The following RAB21 variants were observed in gnomAD, a reference collection of about 807,000 sequenced individuals.
RAB21 encodes RAB21, member RAS oncogene family.
A neutral mutation model predicts 33.1 loss-of-function variants in RAB21; 13 were observed. The observed-to-expected ratio is 0.39, with a 90% CI of 0.26 to 0.62. The LOEUF is 0.62. Ranked by LOEUF, RAB21 falls within the 20% of genes least tolerant of loss-of-function variation. RAB21 has a pLI of 0.48. For missense variants in RAB21, 234 were observed against 279.1 expected (o/e 0.84, Z 1.15); for synonymous variants, 91 against 103.7 (o/e 0.88, Z 0.74).
chr12:71,756,150 A>G (rs1428001379), intron 1 of RAB21, among the ~76,000 whole-genome samples: 1 of 152,214 alleles, frequency 6.6e-6, no homozygotes, highest in African/African-American at 2.4e-5. Flanking sequence ...ATTTGGTCAA[A>G]GGCAGTAAAG....
At chr12:71,772,008 AAAGGG>A (rs1883050262) in intron 3 of RAB21, among the ~76,000 whole-genome samples, 1 of 152,022 alleles carries the variant, frequency 6.6e-6, no homozygotes, top group South Asian at 2.1e-4. Context: ...ATTTAGGTTG[AAAGGG>A]ACCAGTTGTC....
At position 71,797,898 on chromosome 12, in the gene RAB21, A is replaced by T. The variant is rs1307781295; in HGVS notation, c.*12225A>T. ...AGCTATAGAGAACAAAGCTGGATTC[A>T]TACCTCATAAACCAAAATGCATTCC... is the stretch of plus-strand genomic sequence containing the variant. On this transcript the variant is annotated 3_prime_UTR_variant, in exon 7 of 7. Transcript: ENST00000261263. The T allele has an allele frequency of 6.6e-6, 1 of 152,132 alleles. No homozygotes were observed. The highest frequency in any genetic ancestry group is 1.5e-5 in the Non-Finnish European group (1 of 68,028). The allele number at this position is 152,132 out of a possible 1,614,324, so 9.4% of individuals were successfully genotyped here. A position where few individuals can be genotyped will look rare whatever the true frequency, so the allele number is the denominator to read the frequency against.
rs1883447605 is a variant in RAB21, at chr12:71,794,928, C to G, written c.*9255C>G. The G allele has an allele frequency of 1.3e-5, 2 of 150,934 alleles. No individual in the cohort carries two copies. The highest frequency in any genetic ancestry group is 4.2e-4 in the South Asian group (2 of 4,788). The allele number at this position is 150,934 out of a possible 1,614,324, so 9.3% of individuals were successfully genotyped here. A position where few individuals can be genotyped will look rare whatever the true frequency, so the allele number is the denominator to read the frequency against. ...CTCCAGCCTCGGTGACAGAGTGAGA[C>G]TCTGTCTCAAAAAAAAAGTTAAAAG... On this transcript the variant is annotated 3_prime_UTR_variant, in exon 7 of 7. Coordinates refer to ENST00000261263, the MANE Select transcript of RAB21 (RefSeq NM_014999.4).
At chr12:71,781,162 T>C (rs1031076311) in intron 4 of RAB21, among the ~76,000 whole-genome samples, 3 of 152,206 alleles carry the variant, frequency 2.0e-5, no homozygotes, top group Non-Finnish European at 2.9e-5. Context: ...TAAAATTGTT[T>C]TTTAAACAAA....
intron 4 of RAB21, chr12:71,774,447 T>A (rs1042161055): frequency 6.9e-6 from 1 of 144,838 alleles, no homozygotes; most frequent in African/African-American, 2.6e-5. Context: ...GCCTGGGTGA[T>A]ACAGTGAGAT....
Position 71,792,509 on chromosome 12 carries a change from A to G in RAB21, c.*6836A>G, listed in dbSNP as rs1333347047. Reference sequence around the variant, plus strand: ...GACTATAGCTTAGCATATGTGTGCTATGACACAAGGTTAAACGTGTGCCCC... The same window carrying G: ...GACTATAGCTTAGCATATGTGTGCTGTGACACAAGGTTAAACGTGTGCCCC... On this transcript the variant is annotated 3_prime_UTR_variant, in exon 7 of 7. Coordinates refer to ENST00000261263, the MANE Select transcript of RAB21 (RefSeq NM_014999.4). 3.3e-5 allele frequency: 5 copies of G among 152,252 alleles called. No individual in the cohort carries two copies. Among genetic ancestry groups the G allele is most frequent in the African/African-American group, 9.6e-5 (4 of 41,468 alleles). 9.4% of individuals were successfully genotyped at this position (152,252 alleles called of 1,614,324 possible). A position where few individuals can be genotyped will look rare whatever the true frequency, so the allele number is the denominator to read the frequency against.
chr12:71,782,492 C>A, intron 5 of RAB21, 78 bp from the exon 6 acceptor site: 1 of 947,218 alleles, frequency 1.1e-6, no homozygotes, highest in Non-Finnish European at 1.6e-6. Context: ...GTCACTAAAA[C>A]TGTTACTATA....
chr12:71,755,390 C>A, intron 1 of RAB21, 102 bp downstream of exon 1: 1 of 1,311,072 alleles, frequency 7.6e-7, no homozygotes, highest in Non-Finnish European at 9.9e-7. Context: ...GCTGGCAAAT[C>A]TCAGGCCTGT....
intron 1 of RAB21, among the ~76,000 whole-genome samples, chr12:71,760,233 C>T (rs542352405): frequency 1.4e-4 from 21 of 152,198 alleles, no homozygotes; most frequent in Non-Finnish European, 2.1e-4. Flanking sequence ...TCTACATTTC[C>T]GGAATTCACT....
chr12:71,774,168 CTGGTGCAG>C (rs917309562), intron 4 of RAB21, 146 bp downstream of exon 4: 77 of 510,124 alleles, frequency 1.5e-4, no homozygotes, highest in African/African-American at 1.4e-3. Context: ...AGGATTTAGC[CTGGTGCAG>C]TGGCTCATGC....
chr12:71,776,132 C>A (rs1883116214), intron 4 of RAB21, among the ~76,000 whole-genome samples: 1 of 152,112 alleles, frequency 6.6e-6, no homozygotes, highest in East Asian at 1.9e-4. Flanking sequence ...AGATGAATGA[C>A]TGAAGATTTA....
At chr12:71,768,448 C>CT (rs1417566140) in intron 1 of RAB21, among the ~76,000 whole-genome samples, 1 of 151,888 alleles carries the variant, frequency 6.6e-6, no homozygotes, top group Admixed American at 6.6e-5. Flanking sequence ...CTCTCTATTC[C>CT]TTTTTTTTAA....
rs969924461 is a variant in RAB21, at chr12:71,794,913, G to T, written c.*9240G>T. ...CCTGGTGCCACTGGACTCCAGCCTC[G>T]GTGACAGAGTGAGACTCTGTCTCAA... On this transcript the variant is annotated 3_prime_UTR_variant, in exon 7 of 7. Transcript: ENST00000261263. 1 of 150,884 alleles carries T rather than the reference G, an allele frequency of 6.6e-6. No individual in the cohort carries two copies. The highest frequency in any genetic ancestry group is 2.4e-5 in the African/African-American group (1 of 41,094). 9.3% of individuals were successfully genotyped at this position (150,884 alleles called of 1,614,324 possible).
chr12:71,766,912 C>G (rs970264302), intron 1 of RAB21, among the ~76,000 whole-genome samples: 1 of 152,098 alleles, frequency 6.6e-6, no homozygotes, highest in African/African-American at 2.4e-5. Flanking sequence ...TTGTGGAAGT[C>G]TTTGGATATA....
At chr12:71,783,766 A>T (rs1883238242) in intron 6 of RAB21, among the ~76,000 whole-genome samples, 1 of 152,214 alleles carries the variant, frequency 6.6e-6, no homozygotes, top group Admixed American at 6.5e-5. Context: ...TTGATTTAAT[A>T]GGTGTGGGAT....
intron 1 of RAB21, among the ~76,000 whole-genome samples, chr12:71,767,743 A>G (rs1882983533): frequency 6.6e-6 from 1 of 152,200 alleles, no homozygotes; most frequent in Non-Finnish European, 1.5e-5. Context: ...AATGTGATCA[A>G]AATACTAAAG....
Position 71,787,446 on chromosome 12 carries a change from C to T in RAB21, c.*1773C>T, listed in dbSNP as rs1377876710. 6.6e-6 allele frequency: 1 copy of T among 152,034 alleles called. No individual in the cohort carries two copies. Among genetic ancestry groups the T allele is most frequent in the African/African-American group, 2.4e-5 (1 of 41,390 alleles). The allele number at this position is 152,034 out of a possible 1,614,324, so 9.4% of individuals were successfully genotyped here. ...TGTCTAAGATAAAATGGAATGGCCC[C>T]TGGATTTACTTCTTATAAGAAGCAG... On this transcript the variant is annotated 3_prime_UTR_variant, in exon 7 of 7. Transcript: ENST00000261263.
intron 4 of RAB21, among the ~76,000 whole-genome samples, chr12:71,777,527 A>C (rs1456715629): frequency 6.6e-6 from 1 of 152,014 alleles, no homozygotes; most frequent in African/African-American, 2.4e-5. Flanking sequence ...CTTCTGTTTT[A>C]TTAGTAACTT....
chr12:71,782,809 A>AT (rs998699231), intron 6 of RAB21, 151 bp downstream of exon 6: 223 of 532,814 alleles, frequency 4.2e-4, no homozygotes, highest in South Asian at 5.5e-4. Context: ...TGCTGTAACT[A>AT]TTTTTTTTAA....
Sources: gnomAD v4.1 joint callset for allele counts (sites outside exome capture counted in the v4.1 genomes callset) on GRCh38, gnomAD v4.1.1 for gene constraint, MANE v1.5 for transcripts, NCBI Gene and HGNC (gene_info 2026-07-23, HGNC 2026-07-21) for gene names.